The following RCSD1 variants were observed in gnomAD, a reference collection of about 807,000 sequenced individuals.
RCSD1 encodes the protein capZ-interacting protein.
In RCSD1, 26 loss-of-function variants were observed where a neutral mutation model predicts 42.5. The observed-to-expected ratio is 0.61, with a 90% CI of 0.45 to 0.85. The LOEUF (loss-of-function observed/expected upper bound fraction) is 0.85, where lower values mean the gene tolerates loss of function less well. Ranked by LOEUF, RCSD1 falls within the 40% of genes least tolerant of loss-of-function variation. The pLI, the probability that RCSD1 is intolerant of heterozygous loss-of-function variation, is 0.00. For missense variants in RCSD1, 571 were observed against 528.3 expected (o/e 1.08, Z -0.79); for synonymous variants, 220 against 212.2 (o/e 1.04, Z -0.32).
chr1:167,630,493 C>G (rs971220159), intron 1 of RCSD1, 64 bp downstream of exon 1: 62 of 1,459,790 alleles, frequency 4.2e-5, no homozygotes, highest in Non-Finnish European at 5.7e-5. Flanking sequence ...GCCCCTTCCC[C>G]GGGCGGCTGC....
At chr1:167,683,700 C>G (rs1197133788) in intron 1 of RCSD1, among the ~76,000 whole-genome samples, 200 bp from the exon 2 acceptor site, 1 of 152,190 alleles carries the variant, frequency 6.6e-6, no homozygotes, top group Non-Finnish European at 1.5e-5. Context: ...AAAGCCACAC[C>G]CCGGGCCAAG....
At chr1:167,645,094 G>T (rs1658102030) in intron 1 of RCSD1, among the ~76,000 whole-genome samples, 2 of 152,172 alleles carry the variant, frequency 1.3e-5, no homozygotes, top group African/African-American at 4.8e-5. Flanking sequence ...TTAATGACTT[G>T]GATGAAAAAT....
chr1:167,675,302 G>T (rs552141800), intron 1 of RCSD1, among the ~76,000 whole-genome samples: 11 of 152,116 alleles, frequency 7.2e-5, no homozygotes, highest in African/African-American at 2.7e-4. Context: ...ATGGCTGGGT[G>T]GGCCTCACAA....
At chr1:167,684,740 G>A (rs983480464) in intron 2 of RCSD1, among the ~76,000 whole-genome samples, 2 of 152,198 alleles carry the variant, frequency 1.3e-5, no homozygotes, top group African/African-American at 4.8e-5. Context: ...CGGGCGTGGT[G>A]GCACATGCCT....
chr1:167,672,350 T>C (rs2102222715), intron 1 of RCSD1, among the ~76,000 whole-genome samples: 1 of 152,330 alleles, frequency 6.6e-6, no homozygotes, highest in Non-Finnish European at 1.5e-5. Context: ...CTGTGACAAA[T>C]GTCCACCAAC....
At chr1:167,691,526 C>A (rs1174037372) in intron 4 of RCSD1, among the ~76,000 whole-genome samples, 3 of 152,344 alleles carry the variant, frequency 2.0e-5, no homozygotes, top group Middle Eastern at 3.4e-3. Context: ...CTCTGTCCAG[C>A]CACCCAGGAG....
At chr1:167,632,517 G>C (rs6665774) in intron 1 of RCSD1, among the ~76,000 whole-genome samples, 158 of 152,250 alleles carry the variant, frequency 1.0e-3, no homozygotes, top group Non-Finnish European at 1.6e-3. Flanking sequence ...GTGTGGCTTG[G>C]GGGGTGGAGG....
At chr1:167,653,651 C>T (rs981915777) in intron 1 of RCSD1, among the ~76,000 whole-genome samples, 14 of 152,148 alleles carry the variant, frequency 9.2e-5, no homozygotes, top group African/African-American at 3.1e-4. Flanking sequence ...ACCTTCAAGG[C>T]GGGCTCACAC....
At chr1:167,699,760 G>T (rs868635366) in intron 6 of RCSD1, among the ~76,000 whole-genome samples, 3 of 152,248 alleles carry the variant, frequency 2.0e-5, no homozygotes, top group African/African-American at 7.2e-5. Flanking sequence ...AGGTCTTTTT[G>T]TTCTTCCAAT....
intron 1 of RCSD1, chr1:167,633,671 G>A (rs1230195270): frequency 3.9e-5 from 6 of 152,186 alleles, no homozygotes; most frequent in Non-Finnish European, 5.9e-5. Flanking sequence ...ACTCTTGAAG[G>A]CCAGAGTTGT....
intron 1 of RCSD1, among the ~76,000 whole-genome samples, chr1:167,651,472 C>A (rs114710228): frequency 0.015 from 2,231 of 152,294 alleles, 67 homozygotes; most frequent in African/African-American, 0.051. Flanking sequence ...GGCACTGTTG[C>A]TATGCAACTC....
rs528998027 is a variant in RCSD1 at position 167,651,111 on chromosome 1, G to A, written c.6+20682G>A. On this transcript the variant is annotated intron_variant, in intron 1 of 6. Transcript: ENST00000367854. Reference sequence around the variant, plus strand: ...CAGCCAGGTGGGACCAAGGGCCATCGTAATGACCTTGTTTTAACTTAATTT... The same window carrying A: ...CAGCCAGGTGGGACCAAGGGCCATCATAATGACCTTGTTTTAACTTAATTT... 4.6e-5 allele frequency among the ~76,000 whole-genome samples: 7 copies of A among 152,242 alleles called. No homozygotes were observed. In the South Asian group the frequency reaches 1.0e-3, roughly 23 times the overall value.
At chr1:167,684,235 C>G (rs1340041284) in intron 2 of RCSD1, among the ~76,000 whole-genome samples, 1 of 152,228 alleles carries the variant, frequency 6.6e-6, no homozygotes, top group Non-Finnish European at 1.5e-5. Flanking sequence ...GAATCAGACA[C>G]AGGGCAGAGA....
intron 3 of RCSD1, among the ~76,000 whole-genome samples, chr1:167,686,401 C>T (rs1659237836): frequency 6.6e-6 from 1 of 152,168 alleles, no homozygotes; most frequent in South Asian, 2.1e-4. Flanking sequence ...CATCTTAATG[C>T]CTACATTTTC....
At position 167,707,971 on chromosome 1, in the gene RCSD1, G is replaced by A. The variant is rs1659797720; in HGVS notation, c.*3275G>A. The stretch of plus-strand genomic sequence containing the variant: ...TCGGTCTCCCAAAGTGGGATTACAG[G>A]CATGAACCACCACGTCCAGCCAGTC... On this transcript the variant is annotated 3_prime_UTR_variant, in exon 7 of 7. Coordinates refer to ENST00000367854, the MANE Select transcript of RCSD1 (RefSeq NM_052862.4). Among the ~76,000 whole-genome samples, 1 of 152,148 alleles carries A rather than the reference G, an allele frequency of 6.6e-6. No individual in the cohort carries two copies. The highest frequency in any genetic ancestry group is 2.1e-4 in the South Asian group (1 of 4,830).
rs1659773150 is a variant in RCSD1 at position 167,707,106 on chromosome 1, G to C, written c.*2410G>C. Among the ~76,000 whole-genome samples the C allele has an allele frequency of 6.6e-6, 1 of 152,176 alleles. No homozygotes were observed. On this transcript the variant is annotated 3_prime_UTR_variant, in exon 7 of 7. Transcript: ENST00000367854. ...AGAGAGGGAGCAAGAAAAAAAACCT[G>C]GATGCTTTGAAGGGATCTGCCACTA...
rs892678895 is a variant in RCSD1, at chr1:167,646,563, G to A, written c.6+16134G>A. Among the ~76,000 whole-genome samples, 12 of 151,156 alleles carry A rather than the reference G, an allele frequency of 7.9e-5. No individual in the cohort carries two copies. In the South Asian group the frequency reaches 1.0e-3, roughly 13 times the overall value. On this transcript the variant is annotated intron_variant, in intron 1 of 6. Coordinates refer to ENST00000367854, the MANE Select transcript of RCSD1 (RefSeq NM_052862.4). ...TTACTTTAAGTTCCGGGATACATGC[G>A]TGCAGGTTTGTTACATAGATATACA...
chr1:167,645,877 A>G (rs1334226287), intron 1 of RCSD1, among the ~76,000 whole-genome samples: 2 of 152,134 alleles, frequency 1.3e-5, no homozygotes, highest in Non-Finnish European at 2.9e-5. Flanking sequence ...TGCTTCCCTC[A>G]GTCTGTCATG....
At chr1:167,677,210 T>C (rs566303291) in intron 1 of RCSD1, among the ~76,000 whole-genome samples, 46 of 152,366 alleles carry the variant, frequency 3.0e-4, no homozygotes, top group African/African-American at 1.1e-3. Flanking sequence ...GGCTGTTCAC[T>C]CCTTGAGGGC....
Sources: allele counts gnomAD v4.1 joint callset (sites outside exome capture counted in the v4.1 genomes callset), GRCh38; gene constraint gnomAD v4.1.1; transcripts MANE v1.5; gene names NCBI Gene and HGNC (gene_info 2026-07-23, HGNC 2026-07-21).